The following SAMD12 variants were observed in gnomAD, a reference collection of about 807,000 sequenced individuals.
The protein encoded by SAMD12 is sterile alpha motif domain-containing protein 12.
Under a neutral mutation model 15.0 loss-of-function variants are expected in SAMD12, and 9 were observed. That is an observed-to-expected ratio of 0.60 (90% CI 0.36 to 1.05). The LOEUF is 1.05. SAMD12 is among the 50% of genes least tolerant of loss of function. The probability of loss-of-function intolerance (pLI) is 0.01; values close to 1 mark genes in which losing one functional copy is unlikely to be tolerated. For missense variants in SAMD12, 230 were observed against 234.2 expected, an observed-to-expected ratio of 0.98 and a Z score of 0.12; for synonymous variants, 86 against 90.1, an observed-to-expected ratio of 0.96 and a Z score of 0.25.
intron 4 of SAMD12, among the ~76,000 whole-genome samples, chr8:118,293,693 C>T (rs963432096): frequency 9.2e-5 from 14 of 152,064 alleles, no homozygotes; most frequent in African/African-American, 3.4e-4. Context: ...ATGCAAAATG[C>T]CAATACCCCC....
Position 118,402,523 on chromosome 8 carries a change from C to G in SAMD12, c.323-22823G>C, listed in dbSNP as rs532533939. On this transcript the variant is annotated intron_variant, in intron 3 of 3. Coordinates refer to ENST00000314727, the MANE Select transcript of SAMD12 (RefSeq NM_207506.3). Reference sequence around the variant, plus strand: ...GAGGCTTATAAGGGGACTGCTCTAGCCAGAAAAGCCCCTTATGGGGTCAAA... The same window carrying G: ...GAGGCTTATAAGGGGACTGCTCTAGGCAGAAAAGCCCCTTATGGGGTCAAA... Among the ~76,000 whole-genome samples, 9 of 152,330 alleles carry G rather than the reference C, an allele frequency of 5.9e-5. No individual in the cohort carries two copies. The East Asian group carries it at 7.7e-4, about 13-fold the overall frequency.
At chr8:118,317,379 C>T (rs1815971877) in intron 4 of SAMD12, among the ~76,000 whole-genome samples, 1 of 152,116 alleles carries the variant, frequency 6.6e-6, no homozygotes, top group Non-Finnish European at 1.5e-5. Context: ...AAACTGGAAA[C>T]TACTTAAATA....
At position 118,410,966 on chromosome 8, in the gene SAMD12, T is replaced by C. The variant is rs149470086; in HGVS notation, c.322+28866A>G. On this transcript the variant is annotated intron_variant, in intron 3 of 3. Transcript: ENST00000314727. Reference sequence around the variant, plus strand: ...GCAGTGGGTAAAAGATGAGAAAAACTTGAGGAATCTTTCAGTGAGAAAAGT... The same window carrying C: ...GCAGTGGGTAAAAGATGAGAAAAACCTGAGGAATCTTTCAGTGAGAAAAGT... 4.6e-5 allele frequency among the ~76,000 whole-genome samples: 7 copies of C among 152,230 alleles called. No homozygotes were observed. The South Asian group carries it at 1.0e-3, about 23-fold the overall frequency.
intron 4 of SAMD12, among the ~76,000 whole-genome samples, chr8:118,207,159 A>G (rs1819883695): frequency 6.6e-6 from 1 of 152,242 alleles, no homozygotes; most frequent in South Asian, 2.1e-4. Context: ...GATATCTATT[A>G]ACTCCAGTCT....
chr8:118,549,639 G>A (rs527827915), intron 2 of SAMD12, among the ~76,000 whole-genome samples: 586 of 152,336 alleles, frequency 3.8e-3, no homozygotes, highest in Non-Finnish European at 7.0e-3. Flanking sequence ...CTCCTCCAAA[G>A]GAACGCAGTT....
intron 4 of SAMD12, among the ~76,000 whole-genome samples, chr8:118,333,010 T>C (rs760138233): frequency 5.9e-5 from 9 of 152,204 alleles, no homozygotes; most frequent in Non-Finnish European, 1.0e-4. Flanking sequence ...CATGGGACTC[T>C]TGCAGGCAGG....
intron 2 of SAMD12, among the ~76,000 whole-genome samples, chr8:118,551,863 G>A (rs921792637): frequency 6.6e-6 from 1 of 151,758 alleles, no homozygotes; most frequent in African/African-American, 2.4e-5. Context: ...CGATCCCACA[G>A]AAATACAAAC....
At chr8:118,445,152 A>G (rs976737237) in intron 2 of SAMD12, among the ~76,000 whole-genome samples, 1 of 152,172 alleles carries the variant, frequency 6.6e-6, no homozygotes, top group African/African-American at 2.4e-5. Flanking sequence ...AGAGAGAGAA[A>G]GAAGGAAAAG....
At chr8:118,371,145 G>T (rs1337782527) in intron 4 of SAMD12, among the ~76,000 whole-genome samples, 1 of 152,100 alleles carries the variant, frequency 6.6e-6, no homozygotes, top group Non-Finnish European at 1.5e-5. Flanking sequence ...TTTCTGACAA[G>T]CAACTTGTCC....
At chr8:118,155,262 A>G in the SAMD12 span, among the ~76,000 whole-genome samples, 1 of 152,192 alleles carries the variant, frequency 6.6e-6, no homozygotes, top group South Asian at 2.1e-4. Context: ...ATTTTGCCAA[A>G]GTTAGAACGG....
the SAMD12 span, among the ~76,000 whole-genome samples, chr8:118,137,803 G>T: frequency 4.6e-5 from 7 of 152,098 alleles, no homozygotes; most frequent in Non-Finnish European, 8.8e-5. Flanking sequence ...AATTTTTTAA[G>T]AAAGTTTACA....
intron 2 of SAMD12, among the ~76,000 whole-genome samples, chr8:118,449,876 A>T (rs1185436601): frequency 6.6e-6 from 1 of 152,004 alleles, no homozygotes; most frequent in Non-Finnish European, 1.5e-5. Flanking sequence ...AAATAAAAAT[A>T]CCAAATTAAG....
At chr8:118,238,420 G>A (rs28370835) in intron 4 of SAMD12, among the ~76,000 whole-genome samples, 3,207 of 152,140 alleles carry the variant, frequency 0.021, 118 homozygotes, top group African/African-American at 0.074. Context: ...TTGTGCAAAC[G>A]GAATTTCCTC....
chr8:118,166,440 A>G, the SAMD12 span, among the ~76,000 whole-genome samples: 1 of 152,336 alleles, frequency 6.6e-6, no homozygotes, highest in South Asian at 2.1e-4. Context: ...AAAAGCAACT[A>G]AAATCTTAAA....
intron 2 of SAMD12, among the ~76,000 whole-genome samples, chr8:118,550,421 C>A (rs936157261): frequency 1.3e-5 from 2 of 152,086 alleles, no homozygotes; most frequent in African/African-American, 2.4e-5. Flanking sequence ...TCATATCCAG[C>A]CAAATTAAGC....
chr8:118,344,982 G>C (rs2515028), intron 4 of SAMD12, among the ~76,000 whole-genome samples: 72,633 of 151,888 alleles, frequency 0.48, 18,173 homozygotes, highest in East Asian at 0.87. Context: ...TTTATAAAGT[G>C]TACAGCAGTG....
intron 2 of SAMD12, among the ~76,000 whole-genome samples, chr8:118,556,327 G>C (rs1826528590): frequency 6.6e-6 from 1 of 152,124 alleles, no homozygotes; most frequent in African/African-American, 2.4e-5. Context: ...TCTCAGCATG[G>C]TCTTCTAGAA....
At chr8:118,354,005 G>A (rs1446573188) in intron 4 of SAMD12, among the ~76,000 whole-genome samples, 1 of 152,168 alleles carries the variant, frequency 6.6e-6, no homozygotes, top group Admixed American at 6.5e-5. Context: ...TCTTCTCAGA[G>A]CTCTTTAACA....
chr8:118,535,128 T>C (rs200535236), intron 2 of SAMD12, among the ~76,000 whole-genome samples: 2 of 152,230 alleles, frequency 1.3e-5, no homozygotes, highest in African/African-American at 4.8e-5. Flanking sequence ...GGGGTTTTGG[T>C]GTGGATGTCC....
Sources: gnomAD v4.1 joint callset for allele counts (sites outside exome capture counted in the v4.1 genomes callset) on GRCh38, gnomAD v4.1.1 for gene constraint, MANE v1.5 for transcripts, NCBI Gene and HGNC (gene_info 2026-07-23, HGNC 2026-07-21) for gene names.